Variants in PRKAA1 observed in about 807,000 individuals in gnomAD.
PRKAA1 encodes the protein 5'-AMP-activated protein kinase catalytic subunit alpha-1.
PRKAA1 carries 23 observed loss-of-function variants against 56.9 expected under a neutral mutation model. That is an observed-to-expected ratio of 0.40 (90% CI 0.29 to 0.57). The LOEUF is 0.57. Among genes scored for constraint, PRKAA1 ranks in the 20% least tolerant of loss-of-function variants. PRKAA1 has a pLI of 0.39. For missense variants in PRKAA1, 413 were observed against 679.7 expected, an observed-to-expected ratio of 0.61 and a Z score of 4.36; for synonymous variants, 226 against 227.0, an observed-to-expected ratio of 1.00 and a Z score of 0.04.
Position 40,777,495 on chromosome 5 carries a change from G to A in PRKAA1, c.219C>T (p.Arg73=). Residue 73 remains arginine (R), a synonymous_variant, in exon 2 of 9, where the codon CGC becomes CGT. Transcript: ENST00000397128. ...IRSLDVVGKI[R]REIQNLKLFR... ...AAAGCTTGAGGTTCTGAATTTCTCT[G>A]CGGATTTTTCCTACCACATCAAGGC... The A allele has an allele frequency of 6.2e-7, 1 of 1,613,704 alleles. No homozygotes were observed. Among genetic ancestry groups the A allele is most frequent in the Non-Finnish European group, 8.5e-7 (1 of 1,179,652 alleles).
At chr5:40,783,424 T>C (rs1251941338) in intron 1 of PRKAA1, among the ~76,000 whole-genome samples, 1 of 152,194 alleles carries the variant, frequency 6.6e-6, no homozygotes, top group Admixed American at 6.5e-5. Context: ...GTGATCCTTT[T>C]TGAATTTTAC....
chr5:40,786,427 C>T (rs1445614356), intron 1 of PRKAA1, among the ~76,000 whole-genome samples: 1 of 151,872 alleles, frequency 6.6e-6, no homozygotes, highest in Non-Finnish European at 1.5e-5. Flanking sequence ...GGCATTGTTA[C>T]GGCAGCCCTA....
intron 1 of PRKAA1, among the ~76,000 whole-genome samples, chr5:40,793,225 C>T (rs1056868629): frequency 8.5e-5 from 13 of 152,130 alleles, no homozygotes; most frequent in African/African-American, 3.1e-4. Context: ...TATTACTCTG[C>T]TCATCCATGC....
intron 6 of PRKAA1, among the ~76,000 whole-genome samples, chr5:40,767,124 G>A (rs1743496495): frequency 6.6e-6 from 1 of 152,154 alleles, no homozygotes; most frequent in African/African-American, 2.4e-5. Context: ...TCTTTCCTCA[G>A]CTTCCCAAAG....
rs540977076 is a variant in PRKAA1, at chr5:40,766,407, A to G, written c.821+1059T>C. On this transcript the variant is annotated intron_variant, in intron 6 of 8. Transcript: ENST00000397128. ...CAAAATTTCCACAGGGGGGAAAAAA[A>G]AGAAACAAGGCTTGCAATAAAATTG... 9.8e-5 allele frequency among the ~76,000 whole-genome samples: 15 copies of G among 152,338 alleles called. No individual in the cohort carries two copies. The South Asian group carries it at 2.7e-3, about 27-fold the overall frequency.
rs974810469 is a variant in PRKAA1, at chr5:40,794,521, T to C, written c.127+3542A>G. 3.1e-5 allele frequency among the ~76,000 whole-genome samples: 2 copies of C among 63,594 alleles called. 1 individual carries two copies. The highest frequency in any genetic ancestry group is 1.0e-3 in the South Asian group (2 of 1,962). The allele number at this position is 63,594 out of a possible 152,430, so 41.7% of individuals were successfully genotyped here. ...TCCCATCTATTTATCTTTGTTTTTA[T>C]TGCATTTGCTTTTGGGTTCTTAGTC... On this transcript the variant is annotated intron_variant, in intron 1 of 8. Transcript: ENST00000397128.
At chr5:40,770,530 C>A (rs1331106947) in intron 4 of PRKAA1, among the ~76,000 whole-genome samples, 1 of 151,702 alleles carries the variant, frequency 6.6e-6, no homozygotes, top group Non-Finnish European at 1.5e-5. Flanking sequence ...AGAAGAGATT[C>A]CTTTTTCTCT....
intron 1 of PRKAA1, among the ~76,000 whole-genome samples, chr5:40,795,988 A>G (rs981415221): frequency 6.6e-6 from 1 of 152,236 alleles, no homozygotes; most frequent in African/African-American, 2.4e-5. Flanking sequence ...TTCCTGCTTT[A>G]CTACCTGCCA....
intron 1 of PRKAA1, among the ~76,000 whole-genome samples, chr5:40,782,186 C>T (rs1207695551): frequency 6.6e-6 from 1 of 152,134 alleles, no homozygotes; most frequent in Admixed American, 6.5e-5. Context: ...ACTCCCAAAC[C>T]ATCACAAACC....
intron 1 of PRKAA1, among the ~76,000 whole-genome samples, chr5:40,781,926 G>T (rs1463836378): frequency 6.6e-6 from 1 of 152,144 alleles, no homozygotes; most frequent in African/African-American, 2.4e-5. Context: ...AATTAGATGT[G>T]ATTAAGAGCA....
chr5:40,778,106 G>A (rs1744100669), intron 1 of PRKAA1, among the ~76,000 whole-genome samples: 1 of 151,272 alleles, frequency 6.6e-6, no homozygotes, highest in Non-Finnish European at 1.5e-5. Context: ...AATTAGCTGG[G>A]TGCAGTGGTG....
chr5:40,788,619 G>A (rs1744592559), intron 1 of PRKAA1, among the ~76,000 whole-genome samples: 1 of 152,110 alleles, frequency 6.6e-6, no homozygotes, highest in African/African-American at 2.4e-5. Flanking sequence ...CACAAGGTCA[G>A]GAGTTCGAGA....
At position 40,761,347 on chromosome 5, in the gene PRKAA1, T is replaced by A. The variant is rs1225090693; in HGVS notation, c.*1431A>T. On this transcript the variant is annotated 3_prime_UTR_variant, in exon 9 of 9. Transcript: ENST00000397128. ...ATTTTTAGGAGAATGTCATTATCTG[T>A]AGGAGATACTTGAAGTATTTTCACG... 1 of 152,148 alleles carries A rather than the reference T, an allele frequency of 6.6e-6. No individual in the cohort carries two copies. The highest frequency in any genetic ancestry group is 1.5e-5 in the Non-Finnish European group (1 of 68,008). 9.4% of individuals were successfully genotyped at this position (152,148 alleles called of 1,614,324 possible).
chr5:40,766,905 A>G (rs1743462024), intron 6 of PRKAA1, among the ~76,000 whole-genome samples: 1 of 152,118 alleles, frequency 6.6e-6, no homozygotes, highest in African/African-American at 2.4e-5. Flanking sequence ...TGTAGTCTCA[A>G]CTACTAGGGA....
chr5:40,796,174 G>A (rs1175839703), intron 1 of PRKAA1, among the ~76,000 whole-genome samples: 1 of 152,020 alleles, frequency 6.6e-6, no homozygotes, highest in Admixed American at 6.6e-5. Context: ...AAATTAGCCG[G>A]GTGTGGTGGT....
chr5:40,797,017 CG>C (rs1320260485), intron 1 of PRKAA1, among the ~76,000 whole-genome samples: 1 of 151,978 alleles, frequency 6.6e-6, no homozygotes, highest in Non-Finnish European at 1.5e-5. Context: ...TGCAATTAAA[CG>C]TTTTTTTGCC....
intron 1 of PRKAA1, among the ~76,000 whole-genome samples, chr5:40,778,605 C>T (rs1311439419): frequency 6.6e-6 from 1 of 151,826 alleles, no homozygotes; most frequent in African/African-American, 2.4e-5. Context: ...ATTGGTGTAA[C>T]CAGCATTATA....
rs1255751832 is a variant in PRKAA1 at position 40,779,725 on chromosome 5, G to C, written c.128-2139C>G. Among the ~76,000 whole-genome samples the C allele has an allele frequency of 2.0e-5, 3 of 152,190 alleles. No individual in the cohort carries two copies. The East Asian group carries it at 5.8e-4, about 29-fold the overall frequency. ...TACCGTTTGCACAAAAACTGCAATAGAGTCACCCAAAGAGCCAAGATCTTG... is the reference window on the plus strand; with the variant it reads ...TACCGTTTGCACAAAAACTGCAATACAGTCACCCAAAGAGCCAAGATCTTG... On this transcript the variant is annotated intron_variant, in intron 1 of 8. Coordinates refer to ENST00000397128, the MANE Select transcript of PRKAA1 (RefSeq NM_006251.6).
chr5:40,766,024 T>C (rs910493853), intron 6 of PRKAA1, among the ~76,000 whole-genome samples: 1 of 152,210 alleles, frequency 6.6e-6, no homozygotes, highest in African/African-American at 2.4e-5. Context: ...CTCTTCTCTA[T>C]TGTTGGTGTT....
Sources: gnomAD v4.1 joint callset for allele counts (sites outside exome capture counted in the v4.1 genomes callset) on GRCh38, gnomAD v4.1.1 for gene constraint, MANE v1.5 for transcripts, NCBI Gene and HGNC (gene_info 2026-07-23, HGNC 2026-07-21) for gene names.